The following RAI1 variants were observed in gnomAD, a reference collection of about 807,000 sequenced individuals.
RAI1 encodes retinoic acid induced 1.
In RAI1, 9 loss-of-function variants were observed where a neutral mutation model predicts 123.8. The observed-to-expected ratio is 0.07, with a 90% confidence interval of 0.04 to 0.13. The LOEUF (loss-of-function observed/expected upper bound fraction) is 0.13, where lower values mean the gene tolerates loss of function less well. Ranked by LOEUF, RAI1 falls within the 10% of genes least tolerant of loss-of-function variation. The pLI is 1.00. For missense variants in RAI1, 2,256 were observed against 2,545.8 expected (o/e 0.89, Z 2.45); for synonymous variants, 1,231 against 1,127.3 (o/e 1.09, Z -1.84).
At chr17:17,783,986 C>G (rs75723124) in intron 2 of RAI1, among the ~76,000 whole-genome samples, 1 of 152,174 alleles carries the variant, frequency 6.6e-6, no homozygotes, top group African/African-American at 2.4e-5. Context: ...TCTCTCTCCC[C>G]TTTTTTCTCT....
At chr17:17,779,928 A>C (rs962446202) in intron 2 of RAI1, among the ~76,000 whole-genome samples, 1 of 149,950 alleles carries the variant, frequency 6.7e-6, no homozygotes, top group Non-Finnish European at 1.5e-5. Flanking sequence ...GGCACCCGCC[A>C]CCTCGCCCGG....
At chr17:17,774,239 A>G in intron 2 of RAI1, among the ~76,000 whole-genome samples, 1 of 152,230 alleles carries the variant, frequency 6.6e-6, no homozygotes, top group East Asian at 1.9e-4. Flanking sequence ...TGGGCATTTA[A>G]TCACTATCCC....
chr17:17,733,720 T>C (rs1567858265), intron 2 of RAI1, among the ~76,000 whole-genome samples: 1 of 152,222 alleles, frequency 6.6e-6, no homozygotes, highest in Non-Finnish European at 1.5e-5. Context: ...CTCTGGCACA[T>C]TTTTTAAATG....
intron 2 of RAI1, among the ~76,000 whole-genome samples, chr17:17,780,002 C>CGGTCAG (rs2031509860): frequency 6.6e-6 from 1 of 150,858 alleles, no homozygotes; most frequent in Non-Finnish European, 1.5e-5. Context: ...GTCTCGATCT[C>CGGTCAG]CTGACCTCAT....
At chr17:17,729,010 C>T (rs1598039950) in intron 2 of RAI1, among the ~76,000 whole-genome samples, 1 of 152,310 alleles carries the variant, frequency 6.6e-6, no homozygotes, top group East Asian at 1.9e-4. Flanking sequence ...CTGTGATGTC[C>T]ATTCACGTGG....
Position 17,800,180 on chromosome 17 carries a change from G to GTCTCTCTCTGTCTCTC in RAI1, c.5565+1676_5565+1677insGTCTCTCTCTCTCTCT, listed in dbSNP as rs1555566532. ...TCTCTCCTGCTTTCTGTCTCTCTCT[G>GTCTCTCTCTGTCTCTC]TCTCTCTCTCTCTCTCTCTCTCTCT... On this transcript the variant is annotated intron_variant, in intron 3 of 5. Coordinates refer to ENST00000353383, the MANE Select transcript of RAI1 (RefSeq NM_030665.4). The surrounding 1 kb of genome is among the most constrained non-coding windows in gnomAD (Gnocchi z 4.7). Among the ~76,000 whole-genome samples, 490 of 116,312 alleles carry GTCTCTCTCTGTCTCTC rather than the reference G, an allele frequency of 4.2e-3. 16 individuals are homozygous for GTCTCTCTCTGTCTCTC. The highest frequency in any genetic ancestry group is 6.4e-3 in the Non-Finnish European group (329 of 51,098). 76.3% of individuals were successfully genotyped at this position (116,312 alleles called of 152,430 possible).
Position 17,771,722 on chromosome 17 carries a change from G to A in RAI1, c.-16-21211G>A, listed in dbSNP as rs2031165655. Among the ~76,000 whole-genome samples, 7 of 152,170 alleles carry A rather than the reference G, an allele frequency of 4.6e-5. No homozygotes were observed. In the South Asian group the frequency reaches 1.4e-3, roughly 31 times the overall value. ...GATCCACCATCAAAGCCGGCCTGTC[G>A]GGGGCTGGTATGCAGAGTCATCCCT... On this transcript the variant is annotated intron_variant, in intron 2 of 5. Coordinates refer to ENST00000353383, the MANE Select transcript of RAI1 (RefSeq NM_030665.4).
At chr17:17,761,721 A>T (rs934615994) in intron 2 of RAI1, among the ~76,000 whole-genome samples, 1 of 152,150 alleles carries the variant, frequency 6.6e-6, no homozygotes, top group African/African-American at 2.4e-5. Flanking sequence ...GTTGCTGGGC[A>T]TGAAATTTGG....
chr17:17,777,530 C>T (rs572139346), intron 2 of RAI1: 40 of 152,366 alleles, frequency 2.6e-4, no homozygotes, highest in African/African-American at 9.6e-4. Flanking sequence ...GTGCCTGGAA[C>T]ATCGAGGCCC....
intron 2 of RAI1, among the ~76,000 whole-genome samples, chr17:17,762,272 T>C (rs945750397): frequency 1.3e-5 from 2 of 152,046 alleles, no homozygotes; most frequent in East Asian, 1.9e-4. Context: ...ACTGGGCTCA[T>C]TGGAGAAGAC....
At position 17,794,542 on chromosome 17, in the gene RAI1, T is replaced by C. The variant is rs370590304; in HGVS notation, c.1594T>C (p.Cys532Arg). The C allele has an allele frequency of 1.5e-5, 24 of 1,612,956 alleles. No individual in the cohort carries two copies. The highest frequency in any genetic ancestry group is 1.9e-5 in the Non-Finnish European group (23 of 1,179,988). The change falls in exon 3 of 6, where the codon TGC becomes CGC. Residue 532 changes from cysteine (C) to arginine (R), a missense_variant. Around this residue, in one of 7 missense-constraint regions of RAI1, gnomAD observed 357 missense variants for 480.2 expected, o/e 0.74. Transcript: ENST00000353383. ...CCCACTGGAGCGCAGCTTCCTCTAC[T>C]GCAACCAGGCCCGTGGCAGCCCTGC... ...EDPLERSFLY[C>R]NQARGSPARV...
intron 1 of RAI1, among the ~76,000 whole-genome samples, chr17:17,717,642 C>G (rs1409332058): frequency 6.6e-6 from 1 of 151,992 alleles, no homozygotes; most frequent in African/African-American, 2.4e-5. Flanking sequence ...GCTGCCCTGT[C>G]CTCTCTTTCC....
intron 2 of RAI1, among the ~76,000 whole-genome samples, chr17:17,755,823 G>T (rs1047996591): frequency 6.6e-6 from 1 of 152,126 alleles, no homozygotes; most frequent in African/African-American, 2.4e-5. Context: ...TGTCAAGCCC[G>T]CCTTCTCTTC....
At chr17:17,725,428 G>A (rs531279392) in intron 2 of RAI1, among the ~76,000 whole-genome samples, 10 of 152,158 alleles carry the variant, frequency 6.6e-5, no homozygotes, top group African/African-American at 2.2e-4. Context: ...GAGGATGAAG[G>A]GGGAGGAGAG....
chr17:17,762,967 C>T (rs549883484), intron 2 of RAI1, among the ~76,000 whole-genome samples: 3 of 151,966 alleles, frequency 2.0e-5, no homozygotes, highest in African/African-American at 4.8e-5. Context: ...GGTGGTTCCC[C>T]GCTGGCATTT....
Position 17,799,431 on chromosome 17 carries a change from G to A in RAI1, c.5565+918G>A, listed in dbSNP as rs1441879768. Among the ~76,000 whole-genome samples, 1 of 152,158 alleles carries A rather than the reference G, an allele frequency of 6.6e-6. No individual in the cohort carries two copies. The highest frequency in any genetic ancestry group is 1.9e-4 in the East Asian group (1 of 5,186). On this transcript the variant is annotated intron_variant, in intron 3 of 5. Transcript: ENST00000353383. The surrounding 1 kb of genome is among the most constrained non-coding windows in gnomAD (Gnocchi z 4.5). Reference sequence around the variant, plus strand: ...GTACCTCTGTGCCCTTCTGAGGGAGGGGTCAGTGGGGGCGGTGGGGTGCAC... The same window carrying A: ...GTACCTCTGTGCCCTTCTGAGGGAGAGGTCAGTGGGGGCGGTGGGGTGCAC...
chr17:17,688,847 C>T (rs1034527549), intron 1 of RAI1, among the ~76,000 whole-genome samples: 1 of 152,162 alleles, frequency 6.6e-6, no homozygotes, highest in African/African-American at 2.4e-5. Flanking sequence ...ATCCGCCTGC[C>T]TCGGCCTCCC....
At chr17:17,774,102 G>A (rs1240553923) in intron 2 of RAI1, among the ~76,000 whole-genome samples, 8 of 152,194 alleles carry the variant, frequency 5.3e-5, no homozygotes, top group Non-Finnish European at 7.3e-5. Flanking sequence ...GTTAAAATGT[G>A]TAGACTGCTT....
At chr17:17,752,475 C>T (rs1273400768) in intron 2 of RAI1, among the ~76,000 whole-genome samples, 3 of 152,170 alleles carry the variant, frequency 2.0e-5, no homozygotes, top group Non-Finnish European at 2.9e-5. Context: ...GCGGGGCTTC[C>T]GGAACAGCCG....
Sources: allele counts gnomAD v4.1 joint callset (sites outside exome capture counted in the v4.1 genomes callset), GRCh38; gene constraint gnomAD v4.1.1; regional missense constraint gnomAD v4.1.1; non-coding constraint Gnocchi (gnomAD v3.1); transcripts MANE v1.5; gene names NCBI Gene and HGNC (gene_info 2026-07-23, HGNC 2026-07-21).